The following C9orf50 variants were observed in gnomAD, a reference collection of about 807,000 sequenced individuals.
C9orf50 encodes the protein uncharacterized protein C9orf50.
In C9orf50, 33 loss-of-function variants were observed where a neutral mutation model predicts 42.5. The ratio of observed to expected loss-of-function variants is 0.78; its 90% CI spans 0.59 to 1.04. The LOEUF is 1.04. Among genes scored for constraint, C9orf50 ranks in the 50% least tolerant of loss-of-function variants. The probability of loss-of-function intolerance (pLI) is 0.00; values close to 1 mark genes in which losing one functional copy is unlikely to be tolerated. For missense variants in C9orf50, 547 were observed against 594.3 expected, an observed-to-expected ratio of 0.92 and a Z score of 0.83; for synonymous variants, 257 against 273.4, an observed-to-expected ratio of 0.94 and a Z score of 0.59.
Position 129,613,556 on chromosome 9 carries a change from C to A in C9orf50, c.922G>T (p.Val308Leu). 6.2e-7 allele frequency: 1 copy of A among 1,614,188 alleles called. No individual in the cohort carries two copies. Among genetic ancestry groups the A allele is most frequent in the Non-Finnish European group, 8.5e-7 (1 of 1,180,022 alleles). ...CTCCCAAACACCCGCTCGGACGCCA[C>A]TGGCAGGGCGGCCTTCTGGTTCACA... is the stretch of plus-strand genomic sequence containing the variant. The change falls in exon 5 of 7, where the codon GTG becomes TTG. Residue 308 changes from valine to leucine, a missense_variant. This residue lies in a region of C9orf50 where 334 missense variants were observed against 323.7 expected (regional missense o/e 1.03). Transcript: ENST00000372478. This position sits in a 1 kb window ranked among gnomAD's most constrained non-coding sequence, Gnocchi z 6.2.
At position 129,613,668 on chromosome 9, in the gene C9orf50, C is replaced by T; in HGVS notation, c.881-71G>A. The T allele has an allele frequency of 6.3e-7, 1 of 1,585,874 alleles. No homozygotes were observed. The highest frequency in any genetic ancestry group is 8.6e-7 in the Non-Finnish European group (1 of 1,162,584). On this transcript the variant is annotated intron_variant, in intron 4 of 6. Transcript: ENST00000372478. This position sits in a 1 kb window ranked among gnomAD's most constrained non-coding sequence, Gnocchi z 6.2. ...ACTGGTGCCCCCACCCTCTTTTCCT[C>T]CCTCTGGCAGGCAGGGCCGGTCAGA...
chr9:129,621,311 C>T (rs767194887), upstream of C9orf50, among the ~76,000 whole-genome samples: 8 of 152,166 alleles, frequency 5.3e-5, no homozygotes, highest in Admixed American at 1.3e-4. Flanking sequence ...TGATTCAGTA[C>T]GTCTCTGCTG....
Position 129,613,380 on chromosome 9 carries a change from G to A in C9orf50, c.1043+55C>T. On this transcript the variant is annotated intron_variant, in intron 5 of 6. Transcript: ENST00000372478. This position sits in a 1 kb window ranked among gnomAD's most constrained non-coding sequence, Gnocchi z 6.2. ...GGGTGGGGAGGTCTGTAGGCAAGGG[G>A]GGTGGAGGGCCCTGGCAATGTCCAC... The A allele has an allele frequency of 6.3e-7, 1 of 1,597,824 alleles. No homozygotes were observed. The highest frequency in any genetic ancestry group is 1.7e-5 in the Admixed American group (1 of 59,054).
exon 3 of C9orf50, chr9:129,619,631 T>C: frequency 6.2e-7 from 1 of 1,614,026 alleles, no homozygotes; most frequent in Non-Finnish European, 8.5e-7. Context: ...GTGCGATGAC[T>C]GGCCCCTTAA....
In C9orf50 at chr9:129,620,479, C is replaced by A; in HGVS notation, c.96G>T (p.Leu32=). Residue 32 remains leucine, a synonymous_variant, in exon 1 of 7, where the codon CTG becomes CTT. Transcript: ENST00000372478. The surrounding 1 kb of genome is among the most constrained non-coding windows in gnomAD (Gnocchi z 5.8). ...GGAGCGCGGGCGGGGTCAGCTTGGGCAGCCGCGGGTCGCTGCTGCGTCGGA... is the reference window on the plus strand; with the variant it reads ...GGAGCGCGGGCGGGGTCAGCTTGGGAAGCCGCGGGTCGCTGCTGCGTCGGA... 1 of 1,379,734 alleles carries A rather than the reference C, an allele frequency of 7.2e-7. No individual in the cohort carries two copies. Among genetic ancestry groups the A allele is most frequent in the Non-Finnish European group, 9.4e-7 (1 of 1,061,636 alleles). 85.5% of individuals were successfully genotyped at this position (1,379,734 alleles called of 1,614,324 possible).
intron 6 of C9orf50, among the ~76,000 whole-genome samples, chr9:129,612,742 G>T (rs1342656549): frequency 6.6e-6 from 1 of 152,154 alleles, no homozygotes; most frequent in African/African-American, 2.4e-5. Context: ...GCTGGGTGTG[G>T]TGGTGGGTGT....
In C9orf50 at chr9:129,620,319, C is replaced by A. The variant is rs1455476972; in HGVS notation, c.256G>T (p.Ala86Ser). 3 of 1,238,362 alleles carry A rather than the reference C, an allele frequency of 2.4e-6. No homozygotes were observed. Among genetic ancestry groups the A allele is most frequent in the Non-Finnish European group, 3.0e-6 (3 of 989,694 alleles). 76.7% of individuals were successfully genotyped at this position (1,238,362 alleles called of 1,614,324 possible). A position where few individuals can be genotyped will look rare whatever the true frequency, so the allele number is the denominator to read the frequency against. ...CGCTTCCGCACGGCCCGCCGGGTCGCGGTGAGCAAGGCGGGCAGGCGCGGC... is the reference window on the plus strand; with the variant it reads ...CGCTTCCGCACGGCCCGCCGGGTCGAGGTGAGCAAGGCGGGCAGGCGCGGC... The change falls in exon 1 of 7, where the codon GCG becomes TCG. Residue 86 changes from alanine to serine, a missense_variant. Physicochemically the swap from Ala to Ser is moderately conservative, Grantham distance 99. Coordinates refer to ENST00000372478, the Ensembl canonical transcript of C9orf50. The surrounding 1 kb of genome is among the most constrained non-coding windows in gnomAD (Gnocchi z 5.8).
Position 129,613,499 on chromosome 9 carries a change from C to T in C9orf50, c.979G>A (p.Ala327Thr). The change falls in exon 5 of 7, where the codon GCC (alanine) becomes ACC (threonine). Residue 327 changes from alanine (A) to threonine (T), a missense_variant. By Grantham distance (58) the Ala-to-Thr change is moderately conservative. Coordinates refer to ENST00000372478, the Ensembl canonical transcript of C9orf50. This position sits in a 1 kb window ranked among gnomAD's most constrained non-coding sequence, Gnocchi z 6.2. Reference sequence around the variant, plus strand: ...TCCTCCTTGGCCCCAGGGTACAGGGCTTTGGGCAAACTCTCCAGCCGTTTT... The same window carrying T: ...TCCTCCTTGGCCCCAGGGTACAGGGTTTTGGGCAAACTCTCCAGCCGTTTT... 1 of 1,614,172 alleles carries T rather than the reference C, an allele frequency of 6.2e-7. No homozygotes were observed. Among genetic ancestry groups the T allele is most frequent in the Non-Finnish European group, 8.5e-7 (1 of 1,180,024 alleles).
At chr9:129,618,843 C>T (rs1253920196) in intron 3 of C9orf50, among the ~76,000 whole-genome samples, 1 of 151,004 alleles carries the variant, frequency 6.6e-6, no homozygotes, top group Non-Finnish European at 1.5e-5. Context: ...CAGGCGCCCG[C>T]CACCACGCCC....
intron 3 of C9orf50, among the ~76,000 whole-genome samples, chr9:129,616,182 C>T (rs756565768): frequency 1.3e-5 from 2 of 152,066 alleles, no homozygotes; most frequent in African/African-American, 4.8e-5. Flanking sequence ...TCTGCAGGAC[C>T]CAGAGGAAAC....
intron 3 of C9orf50, 55 bp downstream of exon 3, chr9:129,619,465 G>A (rs1304743112): frequency 6.4e-6 from 8 of 1,257,982 alleles, no homozygotes; most frequent in Middle Eastern, 3.9e-4. Flanking sequence ...AAAGAAAGAA[G>A]GAAAGAAATG....
rs1160019593 is a variant in C9orf50 at position 129,614,731 on chromosome 9, C to T, written c.880+753G>A. On this transcript the variant is annotated intron_variant, in intron 4 of 6. Transcript: ENST00000372478. This position sits in a 1 kb window ranked among gnomAD's most constrained non-coding sequence, Gnocchi z 4.4. Reference sequence around the variant, plus strand: ...CACCCTGGTCAACATGGAGAAACCCCGTCTCTACTAAAAATACAAAATTAG... The same window carrying T: ...CACCCTGGTCAACATGGAGAAACCCTGTCTCTACTAAAAATACAAAATTAG... Among the ~76,000 whole-genome samples the T allele has an allele frequency of 2.0e-5, 3 of 152,156 alleles. No homozygotes were observed. Among genetic ancestry groups the T allele is most frequent in the East Asian group, 1.9e-4 (1 of 5,160 alleles).
Position 129,620,047 on chromosome 9 carries a change from C to G in C9orf50, c.508+20G>C, listed in dbSNP as rs1188722844. Reference sequence around the variant, plus strand: ...CCGGAAATGACTCGGGCCCGCCCCCCGGGCCCCGCGGGGCCTCACTCAGTG... The same window carrying G: ...CCGGAAATGACTCGGGCCCGCCCCCGGGGCCCCGCGGGGCCTCACTCAGTG... On this transcript the variant is annotated intron_variant, in intron 1 of 6. Transcript: ENST00000372478. This position sits in a 1 kb window ranked among gnomAD's most constrained non-coding sequence, Gnocchi z 5.8. 1 of 1,452,534 alleles carries G rather than the reference C, an allele frequency of 6.9e-7. No homozygotes were observed. The allele number at this position is 1,452,534 out of a possible 1,614,324, so 90.0% of individuals were successfully genotyped here. A position where few individuals can be genotyped will look rare whatever the true frequency, so the allele number is the denominator to read the frequency against.
Position 129,620,725 on chromosome 9 carries a change from G to T in C9orf50, c.-151C>A. 1 of 669,530 alleles carries T rather than the reference G, an allele frequency of 1.5e-6. No individual in the cohort carries two copies. Among genetic ancestry groups the T allele is most frequent in the Non-Finnish European group, 2.1e-6 (1 of 475,156 alleles). 41.5% of individuals were successfully genotyped at this position (669,530 alleles called of 1,614,324 possible). A position where few individuals can be genotyped will look rare whatever the true frequency, so the allele number is the denominator to read the frequency against. ...GAACGCCACCGGCCCGGCGGACAGC[G>T]AGTGGCTTCAGGCGAGAGCTCCCAG... On this transcript the variant is annotated 5_prime_UTR_variant, in exon 1 of 7. Coordinates refer to ENST00000372478, the Ensembl canonical transcript of C9orf50. The surrounding 1 kb of genome is among the most constrained non-coding windows in gnomAD (Gnocchi z 5.8).
At chr9:129,621,074 C>A (rs527601333), upstream of C9orf50, among the ~76,000 whole-genome samples, 1 of 152,376 alleles carries the variant, frequency 6.6e-6, no homozygotes, top group Non-Finnish European at 1.5e-5. Flanking sequence ...AGCCGTGAAA[C>A]GGCATCACCG....
chr9:129,619,857 G>A lies in C9orf50; in HGVS notation c.509-27C>T, dbSNP rs200919555. On this transcript the variant is annotated intron_variant, in intron 1 of 6. Coordinates refer to ENST00000372478, the Ensembl canonical transcript of C9orf50. ...TGGAGCCAGGAGGAAACAGTTGTGA[G>A]CCTTGGCTGGGGGACGGTCCTTTCT... The A allele has an allele frequency of 1.3e-4, 206 of 1,608,616 alleles. 3 individuals are homozygous for A. In the South Asian group the frequency reaches 2.0e-3, roughly 15 times the overall value.
chr9:129,614,827 G>T lies in C9orf50; in HGVS notation c.880+657C>A, dbSNP rs979497169. On this transcript the variant is annotated intron_variant, in intron 4 of 6. Coordinates refer to ENST00000372478, the Ensembl canonical transcript of C9orf50. This position sits in a 1 kb window ranked among gnomAD's most constrained non-coding sequence, Gnocchi z 4.4. ...TGAGGCAGGAGAATGGCATGAACCC[G>T]GGAGGTGGAGCTTGCAGCGAGCCGA... 2.6e-5 allele frequency among the ~76,000 whole-genome samples: 4 copies of T among 152,182 alleles called. No individual in the cohort carries two copies. The highest frequency in any genetic ancestry group is 2.6e-4 in the Admixed American group (4 of 15,280).
intron 6 of C9orf50, 86 bp from the exon 7 acceptor site, chr9:129,612,540 C>T: frequency 9.6e-7 from 1 of 1,040,986 alleles, no homozygotes; most frequent in Admixed American, 2.1e-5. Context: ...TGCTGAAGCC[C>T]TGTTGGGCAG....
chr9:129,618,873 T>G (rs1327296640), intron 3 of C9orf50, among the ~76,000 whole-genome samples: 16 of 149,776 alleles, frequency 1.1e-4, no homozygotes, highest in African/African-American at 2.9e-4. Flanking sequence ...TTTGTGTTTT[T>G]TTTTTTTTTT....
Sources: allele counts gnomAD v4.1 joint callset (sites outside exome capture counted in the v4.1 genomes callset), GRCh38; gene constraint gnomAD v4.1.1; regional missense constraint gnomAD v4.1.1; non-coding constraint Gnocchi (gnomAD v3.1); transcripts MANE v1.5; gene names NCBI Gene and HGNC (gene_info 2026-07-23, HGNC 2026-07-21).